The following HTR4 variants were observed in gnomAD, a reference collection of about 807,000 sequenced individuals.
HTR4 encodes 5-hydroxytryptamine (serotonin) receptor 4, G protein-coupled.
A neutral mutation model predicts 36.8 loss-of-function variants in HTR4; 16 were observed. The ratio of observed to expected loss-of-function variants is 0.43; its 90% CI spans 0.29 to 0.66. The LOEUF (loss-of-function observed/expected upper bound fraction) is 0.66. Ranked by LOEUF, HTR4 falls within the 30% of genes least tolerant of loss-of-function variation. The pLI, the probability that HTR4 is intolerant of heterozygous loss-of-function variation, is 0.13. For synonymous variants in HTR4, 189 were observed against 185.1 expected, an observed-to-expected ratio of 1.02 and a Z score of -0.17; for missense variants, 438 against 490.9, an observed-to-expected ratio of 0.89 and a Z score of 1.02.
At chr5:148,648,667 A>T (rs909872985) in intron 1 of HTR4, among the ~76,000 whole-genome samples, 2 of 152,216 alleles carry the variant, frequency 1.3e-5, no homozygotes, top group African/African-American at 4.8e-5. Context: ...TCAGGCATCC[A>T]CTACACCACT....
Position 148,650,128 on chromosome 5 carries a change from A to C in HTR4, c.-48+3934T>G, listed in dbSNP as rs34111912. Among the ~76,000 whole-genome samples, 11 of 151,996 alleles carry C rather than the reference A, an allele frequency of 7.2e-5. No homozygotes were observed. The South Asian group carries it at 8.3e-4, about 11-fold the overall frequency. On this transcript the variant is annotated intron_variant, in intron 1 of 6. Coordinates refer to ENST00000377888, the MANE Select transcript of HTR4 (RefSeq NM_000870.7). ...AATGTGTAATAATCACATCATGATCATGTAAAATGGGGTATTCATCCCCTC... is the reference window on the plus strand; with the variant it reads ...AATGTGTAATAATCACATCATGATCCTGTAAAATGGGGTATTCATCCCCTC...
At chr5:148,494,306 C>T (rs573885267) in intron 6 of HTR4, among the ~76,000 whole-genome samples, 212 of 152,250 alleles carry the variant, frequency 1.4e-3, no homozygotes, top group African/African-American at 5.0e-3. Context: ...GGTACCTGCC[C>T]TCATAGACTG....
chr5:148,587,117 G>A (rs576274834), intron 2 of HTR4, among the ~76,000 whole-genome samples: 1 of 152,180 alleles, frequency 6.6e-6, no homozygotes, highest in South Asian at 2.1e-4. Flanking sequence ...CTGGACCTCT[G>A]GAACCACGTT....
intron 6 of HTR4, among the ~76,000 whole-genome samples, chr5:148,508,689 C>A (rs374140750): frequency 6.6e-6 from 1 of 152,096 alleles, no homozygotes; most frequent in Non-Finnish European, 1.5e-5. Flanking sequence ...CCCATACATC[C>A]ATTATATCAC....
intron 2 of HTR4, among the ~76,000 whole-genome samples, chr5:148,573,967 G>C (rs1760782537): frequency 6.6e-6 from 1 of 151,930 alleles, no homozygotes; most frequent in African/African-American, 2.4e-5. Flanking sequence ...CCAGATATTT[G>C]GAGAAAAATT....
intron 6 of HTR4, among the ~76,000 whole-genome samples, chr5:148,493,848 C>T (rs191997809): frequency 9.2e-5 from 14 of 152,262 alleles, no homozygotes; most frequent in African/African-American, 3.4e-4. Flanking sequence ...CTTTGATTTA[C>T]CCAGATTAAG....
rs115715127 is a variant in HTR4 at position 148,564,159 on chromosome 5, T to C, written c.27-13897A>G. On this transcript the variant is annotated intron_variant, in intron 2 of 6. Coordinates refer to ENST00000377888, the MANE Select transcript of HTR4 (RefSeq NM_000870.7). ...GTCCCTACTTACCTCTCTAGCTTTA[T>C]TTCTGACACTGTTCCATAACCAACA... Among the ~76,000 whole-genome samples the C allele has an allele frequency of 8.4e-3, 1,280 of 152,334 alleles. 15 individuals carry two copies. Among genetic ancestry groups the C allele is most frequent in the African/African-American group, 0.029 (1,187 of 41,562 alleles).
At chr5:148,544,261 T>TTCTCTCTC (rs1006576937) in intron 4 of HTR4, among the ~76,000 whole-genome samples, 2 of 150,108 alleles carry the variant, frequency 1.3e-5, no homozygotes, top group Non-Finnish European at 3.0e-5. Flanking sequence ...CTCTCTTTCT[T>TTCTCTCTC]TCTCTCTCTC....
intron 1 of HTR4, among the ~76,000 whole-genome samples, chr5:148,642,261 A>T (rs1753750259): frequency 6.6e-6 from 1 of 152,170 alleles, no homozygotes; most frequent in South Asian, 2.1e-4. Flanking sequence ...AGGGGGAGTC[A>T]CTGGACCTAG....
chr5:148,509,879 G>A lies in HTR4; in HGVS notation c.653C>T (p.Thr218Ile), dbSNP rs139123374. Residue 218 changes from threonine (T) to isoleucine (I), a missense_variant, in exon 6 of 7, where the codon ACA (threonine) becomes ATA (isoleucine). Thr to Ile is a moderately conservative substitution (Grantham distance 89, BLOSUM62 -1). Coordinates refer to ENST00000377888, the MANE Select transcript of HTR4 (RefSeq NM_000870.7). ...GATCTGATGGGCATGCTCCTTAGCT[G>A]TGACATAGATGCGGTAATAGGCCAG... ...MVLAYYRIYV[T>I]AKEHAHQIQM... 1.7e-5 allele frequency: 28 copies of A among 1,614,038 alleles called. No homozygotes were observed. Among genetic ancestry groups the A allele is most frequent in the Non-Finnish European group, 2.2e-5 (26 of 1,179,998 alleles).
intron 2 of HTR4, among the ~76,000 whole-genome samples, chr5:148,607,957 A>G (rs1378493548): frequency 2.0e-5 from 3 of 152,148 alleles, no homozygotes; most frequent in Non-Finnish European, 2.9e-5. Context: ...ATTGATCCCT[A>G]GAGAATCCCA....
chr5:148,458,337 C>T (rs1755175412), intron 5 of HTR4, among the ~76,000 whole-genome samples: 1 of 151,766 alleles, frequency 6.6e-6, no homozygotes, highest in South Asian at 2.1e-4. Context: ...ATTCATCCAG[C>T]CACTTATTTA....
At chr5:148,461,784 T>C (rs1294393225) in intron 5 of HTR4, 1 of 152,058 alleles carries the variant, frequency 6.6e-6, no homozygotes, top group Non-Finnish European at 1.5e-5. Flanking sequence ...ATCAATAGAC[T>C]ACTTTACCTA....
chr5:148,453,625 G>A (rs2113684055), intron 5 of HTR4, among the ~76,000 whole-genome samples: 1 of 152,234 alleles, frequency 6.6e-6, no homozygotes, highest in African/African-American at 2.4e-5. Flanking sequence ...GCTGGTTGAG[G>A]CAGAAAGAGT....
chr5:148,481,983 T>G lies in HTR4; in HGVS notation c.*1220A>C. On this transcript the variant is annotated 3_prime_UTR_variant, in exon 7 of 7. Coordinates refer to ENST00000377888, the MANE Select transcript of HTR4 (RefSeq NM_000870.7). ...AGACGGCTATAGCAGCATACTGTTG[T>G]CTTAGAAACAGAAAGAAAACTTAAA... is the stretch of plus-strand genomic sequence containing the variant. The G allele has an allele frequency of 9.8e-7, 1 of 1,016,734 alleles. No individual in the cohort carries two copies. Among genetic ancestry groups the G allele is most frequent in the Non-Finnish European group, 1.2e-6 (1 of 850,984 alleles). The allele number at this position is 1,016,734 out of a possible 1,614,324, so 63.0% of individuals were successfully genotyped here.
chr5:148,522,049 C>A (rs1174026330), intron 5 of HTR4, among the ~76,000 whole-genome samples: 1 of 152,060 alleles, frequency 6.6e-6, no homozygotes, highest in Non-Finnish European at 1.5e-5. Context: ...CCATACTTTT[C>A]TCGTGGTAGT....
In HTR4 at chr5:148,593,142, C is replaced by A. The variant is rs187063344; in HGVS notation, c.27-42880G>T. ...GTCCTCTGATTCTGACTCAAAGCAG[C>A]TTTTACTCCCATATAGTTTTCCATT... is the stretch of plus-strand genomic sequence containing the variant. On this transcript the variant is annotated intron_variant, in intron 2 of 6. Transcript: ENST00000377888. 2.0e-5 allele frequency among the ~76,000 whole-genome samples: 3 copies of A among 152,254 alleles called. No homozygotes were observed. In the East Asian group the frequency reaches 5.8e-4, roughly 29 times the overall value.
chr5:148,600,998 A>AAAAAAAAAAAAAAAAC (rs1761972840), intron 2 of HTR4, among the ~76,000 whole-genome samples: 1 of 148,796 alleles, frequency 6.7e-6, no homozygotes, highest in African/African-American at 2.5e-5. Flanking sequence ...AAAAAAAAAA[A>AAAAAAAAAAAAAAAAC]AAAAACAAAT....
intron 2 of HTR4, among the ~76,000 whole-genome samples, chr5:148,597,743 G>A (rs1761836436): frequency 6.6e-6 from 1 of 152,118 alleles, no homozygotes; most frequent in African/African-American, 2.4e-5. Flanking sequence ...TTGGAAACAT[G>A]TTAAAGAATC....
Sources: allele counts gnomAD v4.1 joint callset (sites outside exome capture counted in the v4.1 genomes callset), GRCh38; gene constraint gnomAD v4.1.1; transcripts MANE v1.5; gene names NCBI Gene and HGNC (gene_info 2026-07-23, HGNC 2026-07-21).